The following CACNG4 variants were observed in gnomAD, a reference collection of about 807,000 sequenced individuals.
The protein encoded by CACNG4 is voltage-dependent calcium channel gamma-4 subunit.
In CACNG4, 8 loss-of-function variants were observed where a neutral mutation model predicts 22.9. The ratio of observed to expected loss-of-function variants is 0.35; its 90% CI spans 0.21 to 0.63. The LOEUF is 0.63. Among genes scored for constraint, CACNG4 ranks in the 30% least tolerant of loss-of-function variants. The pLI is 0.72. For synonymous variants in CACNG4, 188 were observed against 191.9 expected (o/e 0.98, Z 0.17); for missense variants, 357 against 455.4 (o/e 0.78, Z 1.97).
At chr17:66,973,510 G>C (rs1020254085) in intron 1 of CACNG4, among the ~76,000 whole-genome samples, 3 of 152,210 alleles carry the variant, frequency 2.0e-5, no homozygotes, top group Non-Finnish European at 2.9e-5. Context: ...GTGGCTGTGG[G>C]GCTGCCTGGC....
intron 1 of CACNG4, among the ~76,000 whole-genome samples, chr17:67,002,408 C>G (rs1455447690): frequency 6.6e-6 from 1 of 152,188 alleles, no homozygotes; most frequent in East Asian, 1.9e-4. Flanking sequence ...CAAACCATAT[C>G]AGGGAGGTGG....
At chr17:66,987,085 G>C (rs2035309528) in intron 1 of CACNG4, among the ~76,000 whole-genome samples, 1 of 152,166 alleles carries the variant, frequency 6.6e-6, no homozygotes, top group Non-Finnish European at 1.5e-5. Context: ...TGAGGGGAGA[G>C]GGGAATGGGA....
At chr17:67,008,914 A>G (rs965422821) in intron 1 of CACNG4, among the ~76,000 whole-genome samples, 1 of 152,038 alleles carries the variant, frequency 6.6e-6, no homozygotes, top group African/African-American at 2.4e-5. Flanking sequence ...GCGCCACTTC[A>G]CTCCAGCCTG....
At chr17:66,981,770 G>A (rs1195804563) in intron 1 of CACNG4, among the ~76,000 whole-genome samples, 1 of 152,208 alleles carries the variant, frequency 6.6e-6, no homozygotes, top group Non-Finnish European at 1.5e-5. Context: ...GCAAATGCCT[G>A]CTGAGCCCTT....
chr17:66,995,366 A>G (rs1189099196), intron 1 of CACNG4, among the ~76,000 whole-genome samples: 1 of 152,184 alleles, frequency 6.6e-6, no homozygotes, highest in Non-Finnish European at 1.5e-5. Context: ...GCAGCCTCTC[A>G]TGAAGCCTGA....
At chr17:67,010,747 C>G (rs553015680) in intron 1 of CACNG4, among the ~76,000 whole-genome samples, 2 of 152,240 alleles carry the variant, frequency 1.3e-5, no homozygotes, top group African/African-American at 4.8e-5. Context: ...AAACATAGAG[C>G]CCTCCAGTCT....
At chr17:66,976,432 T>C (rs1342238867) in intron 1 of CACNG4, among the ~76,000 whole-genome samples, 12 of 136,918 alleles carry the variant, frequency 8.8e-5, no homozygotes, top group African/African-American at 3.4e-4. Context: ...TCCATCCCTC[T>C]CTCTAACTTC....
chr17:66,966,030 C>T (rs1418228258), intron 1 of CACNG4, among the ~76,000 whole-genome samples: 1 of 152,166 alleles, frequency 6.6e-6, no homozygotes, highest in Non-Finnish European at 1.5e-5. Flanking sequence ...GCGCTGCGAC[C>T]CCCAAATGCG....
chr17:67,017,917 T>C (rs551700333), intron 1 of CACNG4, among the ~76,000 whole-genome samples: 2 of 152,196 alleles, frequency 1.3e-5, no homozygotes, highest in Non-Finnish European at 2.9e-5. Context: ...CTTGTCTCAA[T>C]GGTTATTCAT....
chr17:66,991,858 G>T (rs956044802), intron 1 of CACNG4, among the ~76,000 whole-genome samples: 1 of 152,204 alleles, frequency 6.6e-6, no homozygotes, highest in African/African-American at 2.4e-5. Context: ...GGCAGGATCT[G>T]CAGGCCGACC....
intron 1 of CACNG4, among the ~76,000 whole-genome samples, chr17:66,975,455 C>A (rs2035230586): frequency 6.6e-6 from 1 of 152,146 alleles, no homozygotes; most frequent in Non-Finnish European, 1.5e-5. Flanking sequence ...CTTTGTTGTT[C>A]AGAGAGCAAT....
Position 67,030,412 on chromosome 17 carries a change from C to T in CACNG4, c.446-54C>T. ...ACTGCCCGTCCCACTGTGGGTCTAA[C>T]CTCTGCCTCTCTCCCTCCCTGGCCC... On this transcript the variant is annotated intron_variant, in intron 3 of 3. Transcript: ENST00000262138. This position sits in a 1 kb window ranked among gnomAD's most constrained non-coding sequence, Gnocchi z 6.4. 6.5e-7 allele frequency: 1 copy of T among 1,541,994 alleles called. No homozygotes were observed. The highest frequency in any genetic ancestry group is 1.2e-5 in the South Asian group (1 of 85,202).
chr17:66,990,727 C>G (rs1489432436), intron 1 of CACNG4, among the ~76,000 whole-genome samples: 1 of 151,970 alleles, frequency 6.6e-6, no homozygotes, highest in African/African-American at 2.4e-5. Context: ...ATCGCCCAGG[C>G]TGGAGTGCAG....
At position 67,027,747 on chromosome 17, in the gene CACNG4, G is replaced by A. The variant is rs943818171; in HGVS notation, c.446-2719G>A. 6.6e-5 allele frequency among the ~76,000 whole-genome samples: 10 copies of A among 152,168 alleles called. No individual in the cohort carries two copies. Among genetic ancestry groups the A allele is most frequent in the African/African-American group, 1.4e-4 (6 of 41,438 alleles). On this transcript the variant is annotated intron_variant, in intron 3 of 3. Coordinates refer to ENST00000262138, the MANE Select transcript of CACNG4 (RefSeq NM_014405.4). The surrounding 1 kb of genome is among the most constrained non-coding windows in gnomAD (Gnocchi z 4.3). ...TCAGAGGGGAGACAGGTGAACTAGCGGTGGCTCATGCCTGTAATCCCAGCA... is the reference window on the plus strand; with the variant it reads ...TCAGAGGGGAGACAGGTGAACTAGCAGTGGCTCATGCCTGTAATCCCAGCA...
chr17:67,031,244 C>A lies in CACNG4; in HGVS notation c.*240C>A. The A allele has an allele frequency of 1.5e-6, 1 of 658,568 alleles. No homozygotes were observed. The highest frequency in any genetic ancestry group is 2.8e-6 in the Non-Finnish European group (1 of 360,682). The allele number at this position is 658,568 out of a possible 1,614,324, so 40.8% of individuals were successfully genotyped here. A position where few individuals can be genotyped will look rare whatever the true frequency, so the allele number is the denominator to read the frequency against. On this transcript the variant is annotated 3_prime_UTR_variant, in exon 4 of 4. Transcript: ENST00000262138. This position sits in a 1 kb window ranked among gnomAD's most constrained non-coding sequence, Gnocchi z 4.0. ...CTCCCCGAAAAAGGGTGTTTTGATG[C>A]CTCAGGGTCTCTGAAATCTCCCGGG...
chr17:66,993,111 GCTCAGCCACCCCAATC>G (rs920503775), intron 1 of CACNG4, among the ~76,000 whole-genome samples: 2 of 152,238 alleles, frequency 1.3e-5, no homozygotes, highest in Non-Finnish European at 2.9e-5. Context: ...ATCCACTGGG[GCTCAGCCACCCCAATC>G]CCCAGCCAGG....
chr17:67,032,348 C>T lies in CACNG4; in HGVS notation c.*1344C>T, dbSNP rs1027516834. The T allele has an allele frequency of 1.2e-5, 3 of 253,176 alleles. No homozygotes were observed. The highest frequency in any genetic ancestry group is 2.3e-5 in the Non-Finnish European group (3 of 129,690). 15.7% of individuals were successfully genotyped at this position (253,176 alleles called of 1,614,324 possible). A position where few individuals can be genotyped will look rare whatever the true frequency, so the allele number is the denominator to read the frequency against. ...GGCTTGGAAGAAGAACTCTCCAGAA[C>T]ATGGAACTTAACCCTCTTTTGTATA... is the stretch of plus-strand genomic sequence containing the variant. On this transcript the variant is annotated 3_prime_UTR_variant, in exon 4 of 4. Coordinates refer to ENST00000262138, the MANE Select transcript of CACNG4 (RefSeq NM_014405.4).
intron 1 of CACNG4, among the ~76,000 whole-genome samples, chr17:67,015,217 G>A (rs996799147): frequency 2.6e-5 from 4 of 152,202 alleles, no homozygotes; most frequent in Admixed American, 6.5e-5. Flanking sequence ...CTACCGATAC[G>A]CATGACAGCT....
At chr17:66,994,314 G>A (rs1295620521) in intron 1 of CACNG4, among the ~76,000 whole-genome samples, 7 of 142,094 alleles carry the variant, frequency 4.9e-5, no homozygotes, top group African/African-American at 1.3e-4. Flanking sequence ...GTGACAGAGC[G>A]AGACCCTATT....
Sources: allele counts gnomAD v4.1 joint callset (sites outside exome capture counted in the v4.1 genomes callset), GRCh38; gene constraint gnomAD v4.1.1; non-coding constraint Gnocchi (gnomAD v3.1); transcripts MANE v1.5; gene names NCBI Gene and HGNC (gene_info 2026-07-23, HGNC 2026-07-21).